The following STON1 variants were observed in gnomAD, a reference collection of about 807,000 sequenced individuals.
The protein encoded by STON1 is stonin-1.
STON1 carries 79 observed loss-of-function variants against 60.9 expected under a neutral mutation model. That is an observed-to-expected ratio of 1.30 (90% CI 1.08 to 1.56). The LOEUF is 1.56. Ranked by LOEUF, STON1 falls within the 40% of genes most tolerant of loss-of-function variation. The pLI, the probability that STON1 is intolerant of heterozygous loss-of-function variation, is 0.00. For missense variants in STON1, 1,166 were observed against 858.9 expected (o/e 1.36, Z -4.47); for synonymous variants, 363 against 306.9 (o/e 1.18, Z -1.91).
intron 1 of STON1, among the ~76,000 whole-genome samples, chr2:48,578,429 T>C (rs774875148): frequency 2.6e-5 from 4 of 152,118 alleles, no homozygotes; most frequent in Non-Finnish European, 5.9e-5. Flanking sequence ...CTTTTTTTTC[T>C]TTTTTTAACT....
intron 1 of STON1, among the ~76,000 whole-genome samples, chr2:48,538,654 G>A (rs1181130145): frequency 6.6e-6 from 1 of 151,414 alleles, no homozygotes; most frequent in Admixed American, 6.6e-5. Context: ...GCTGGAGTGA[G>A]TCATGCGATC....
In STON1 at chr2:48,581,011, C is replaced by G. The variant is rs1558632528; in HGVS notation, c.378C>G (p.Thr126=). The G allele has an allele frequency of 1.3e-6, 2 of 1,572,536 alleles. No homozygotes were observed. The highest frequency in any genetic ancestry group is 1.7e-6 in the Non-Finnish European group (2 of 1,162,934). The change falls in exon 2 of 4, where the codon ACC becomes ACG. Residue 126 remains threonine (T), a synonymous_variant. Transcript: ENST00000404752. The part of the protein sequence containing the change: ...ISGGESSLLP[T]RPTCLSHALL... ...GAGGAGAATCTTCCTTACTGCCTACCAGACCAACATGTTTATCCCATGCCT... is the reference window on the plus strand; with the variant it reads ...GAGGAGAATCTTCCTTACTGCCTACGAGACCAACATGTTTATCCCATGCCT...
At chr2:48,590,146 A>G (rs1232018580) in intron 2 of STON1, among the ~76,000 whole-genome samples, 8 of 152,158 alleles carry the variant, frequency 5.3e-5, no homozygotes, top group Non-Finnish European at 8.8e-5. Context: ...GGGGTTTGCA[A>G]TCTTTCTGGG....
intron 1 of STON1, among the ~76,000 whole-genome samples, chr2:48,565,429 T>C (rs2177489): frequency 0.33 from 50,334 of 151,806 alleles, 8,455 homozygotes; most frequent in South Asian, 0.38. Flanking sequence ...AATGGCCCCA[T>C]CTCTAAATAT....
Position 48,595,961 on chromosome 2 carries a change from A to C in STON1, c.*659A>C, listed in dbSNP as rs1168480139. Reference sequence around the variant, plus strand: ...TTCTGGCGCGTGCTGCAAAGAAGCTATTTCTGTTGTCCTACATATTTTAGT... The same window carrying C: ...TTCTGGCGCGTGCTGCAAAGAAGCTCTTTCTGTTGTCCTACATATTTTAGT... On this transcript the variant is annotated 3_prime_UTR_variant, in exon 4 of 4. Transcript: ENST00000404752. 1 of 152,120 alleles carries C rather than the reference A, an allele frequency of 6.6e-6. No individual in the cohort carries two copies. The allele number at this position is 152,120 out of a possible 1,614,324, so 9.4% of individuals were successfully genotyped here.
At chr2:48,560,075 A>G (rs899523630) in intron 1 of STON1, among the ~76,000 whole-genome samples, 2 of 152,210 alleles carry the variant, frequency 1.3e-5, no homozygotes, top group Non-Finnish European at 2.9e-5. Context: ...TTACATGGTA[A>G]TTAAGATAAA....
intron 1 of STON1, among the ~76,000 whole-genome samples, chr2:48,538,348 A>G (rs1208335001): frequency 6.6e-6 from 1 of 152,192 alleles, no homozygotes; most frequent in Admixed American, 6.5e-5. Flanking sequence ...CATCTGAACC[A>G]CTTATAAAGG....
intron 1 of STON1, among the ~76,000 whole-genome samples, chr2:48,557,965 G>A (rs1231329039): frequency 1.3e-5 from 2 of 152,240 alleles, no homozygotes; most frequent in African/African-American, 2.4e-5. Flanking sequence ...GCTCATGCCT[G>A]TAATCCCAGC....
chr2:48,530,841 C>T (rs969037603), intron 1 of STON1: 4 of 152,286 alleles, frequency 2.6e-5, no homozygotes, highest in Non-Finnish European at 5.9e-5. Context: ...TATGACCATT[C>T]ACTGGGTATT....
intron 1 of STON1, among the ~76,000 whole-genome samples, chr2:48,572,690 A>G (rs774755200): frequency 5.3e-5 from 8 of 152,172 alleles, no homozygotes; most frequent in Non-Finnish European, 1.2e-4. Flanking sequence ...AAACGGAATT[A>G]TTTCCTCTTT....
intron 1 of STON1, 141 bp downstream of exon 1, chr2:48,530,357 T>A (rs1671155538): frequency 3.9e-6 from 1 of 253,806 alleles, no homozygotes; most frequent in Non-Finnish European, 7.7e-6. Context: ...CCTCCCCATC[T>A]CCCCGCGCCC....
intron 1 of STON1, among the ~76,000 whole-genome samples, chr2:48,559,755 T>G (rs1161985566): frequency 1.3e-5 from 2 of 152,206 alleles, no homozygotes; most frequent in African/African-American, 2.4e-5. Context: ...ATCAGACCTC[T>G]GCAGTTTCCA....
Position 48,592,601 on chromosome 2 carries a change from T to TTATTATTATTAC in STON1, c.2133+757_2133+758insCTATTATTATTA, listed in dbSNP as rs1345925530. Among the ~76,000 whole-genome samples the TTATTATTATTAC allele has an allele frequency of 2.1e-5, 3 of 142,418 alleles. No individual in the cohort carries two copies. In the East Asian group the frequency reaches 6.0e-4, roughly 28 times the overall value. The allele number at this position is 142,418 out of a possible 152,430, so 93.4% of individuals were successfully genotyped here. A position where few individuals can be genotyped will look rare whatever the true frequency, so the allele number is the denominator to read the frequency against. ...CACCCACCACCACACCCAGCTATTATTATTATTATTATTATTATTATTATT... is the reference window on the plus strand; with the variant it reads ...CACCCACCACCACACCCAGCTATTATTATTATTATTACTATTATTATTATTATTATTATTATT... On this transcript the variant is annotated intron_variant, in intron 3 of 3. Coordinates refer to ENST00000404752, the MANE Select transcript of STON1 (RefSeq NM_006873.4).
chr2:48,572,965 T>A (rs1056171256), intron 1 of STON1, among the ~76,000 whole-genome samples: 1 of 152,222 alleles, frequency 6.6e-6, no homozygotes, highest in Non-Finnish European at 1.5e-5. Context: ...CCGCTGTGTG[T>A]TTTTGTGCCC....
chr2:48,553,273 T>G (rs549632914), intron 1 of STON1, among the ~76,000 whole-genome samples: 2 of 152,148 alleles, frequency 1.3e-5, no homozygotes, highest in Non-Finnish European at 2.9e-5. Flanking sequence ...TTGCTGTGCC[T>G]TGGAAAACCT....
At chr2:48,551,606 A>G (rs776046619) in intron 1 of STON1, among the ~76,000 whole-genome samples, 3 of 152,192 alleles carry the variant, frequency 2.0e-5, no homozygotes, top group African/African-American at 4.8e-5. Flanking sequence ...TTTTTCTCTG[A>G]CAGAATGTCC....
At chr2:48,539,969 A>G (rs778066385) in intron 1 of STON1, among the ~76,000 whole-genome samples, 8 of 152,014 alleles carry the variant, frequency 5.3e-5, no homozygotes, top group Non-Finnish European at 7.4e-5. Context: ...CTAACAGCTC[A>G]TGGTGTAAGG....
At chr2:48,583,968 C>T (rs1178786655) in intron 2 of STON1, among the ~76,000 whole-genome samples, 1 of 151,872 alleles carries the variant, frequency 6.6e-6, no homozygotes, top group African/African-American at 2.4e-5. Context: ...CCAGGGTGGT[C>T]TCAAACTCCT....
rs62135207 is a variant in STON1, at chr2:48,557,528, G to A, written c.-47-23059G>A. Among the ~76,000 whole-genome samples, 637 of 111,334 alleles carry A rather than the reference G, an allele frequency of 5.7e-3. 80 individuals are homozygous for A. The highest frequency in any genetic ancestry group is 0.02 in the African/African-American group (594 of 30,330). The allele number at this position is 111,334 out of a possible 152,430, so 73.0% of individuals were successfully genotyped here. ...CAGAGACACTCCTCACTTCCCAGAC[G>A]GGGTGGCGGCCGGGCAGAGGCTGCA... is the stretch of plus-strand genomic sequence containing the variant. On this transcript the variant is annotated intron_variant, in intron 1 of 3. Coordinates refer to ENST00000404752, the MANE Select transcript of STON1 (RefSeq NM_006873.4).
Sources: gnomAD v4.1 joint callset for allele counts (sites outside exome capture counted in the v4.1 genomes callset) on GRCh38, gnomAD v4.1.1 for gene constraint, MANE v1.5 for transcripts, NCBI Gene and HGNC (gene_info 2026-07-23, HGNC 2026-07-21) for gene names.